The following DLGAP4 variants were observed in gnomAD, a reference collection of about 807,000 sequenced individuals.
DLGAP4 encodes the protein disks large-associated protein 4.
In DLGAP4, 18 loss-of-function variants were observed where a neutral mutation model predicts 86.9. That is an observed-to-expected ratio of 0.21 (90% CI 0.14 to 0.31). The LOEUF is 0.31. DLGAP4 is among the 10% of genes least tolerant of loss of function. The probability of loss-of-function intolerance (pLI) is 1.00; values close to 1 mark genes in which losing one functional copy is unlikely to be tolerated. For synonymous variants in DLGAP4, 548 were observed against 574.3 expected (o/e 0.95, Z 0.65); for missense variants, 1,085 against 1,362.6 (o/e 0.80, Z 3.21).
chr20:36,351,938 G>A (rs1304642441), intron 1 of DLGAP4, among the ~76,000 whole-genome samples: 5 of 152,148 alleles, frequency 3.3e-5, no homozygotes, highest in Non-Finnish European at 7.3e-5. Flanking sequence ...CCGGCCGGGT[G>A]GTGTGAGTGC....
chr20:36,330,299 A>G (rs573410263), intron 1 of DLGAP4, among the ~76,000 whole-genome samples: 7 of 152,078 alleles, frequency 4.6e-5, no homozygotes, highest in Non-Finnish European at 8.8e-5. Context: ...GGCTCCAACT[A>G]TCGTGGTGGG....
At position 36,436,349 on chromosome 20, in the gene DLGAP4, A is replaced by C. The variant is rs369402559; in HGVS notation, c.1240A>C (p.Arg414=). ...GCTGGGAGAGCAGAGCAACCCCCGC[A>C]GGTAGGCGCGCAGCTCCACCCTTAC... ...QSLGEQSNPR[R]SLDRLDSVDM... Residue 414 remains arginine, a splice_region_variant and synonymous_variant, in exon 4 of 13, where the codon AGG becomes CGG. Coordinates refer to ENST00000339266, the MANE Select transcript of DLGAP4 (RefSeq NM_001365621.2). 2 of 1,591,634 alleles carry C rather than the reference A, an allele frequency of 1.3e-6. No individual in the cohort carries two copies. Among genetic ancestry groups the C allele is most frequent in the Non-Finnish European group, 1.7e-6 (2 of 1,172,766 alleles).
intron 11 of DLGAP4, 137 bp from the exon 12 acceptor site, chr20:36,525,713 AT>A: frequency 8.7e-7 from 1 of 1,152,808 alleles, no homozygotes; most frequent in Non-Finnish European, 1.2e-6. Flanking sequence ...ATTCATACAG[AT>A]ACTTACCCAG....
chr20:36,353,590 G>C (rs1057012176), intron 1 of DLGAP4, among the ~76,000 whole-genome samples: 1 of 152,236 alleles, frequency 6.6e-6, no homozygotes, highest in Non-Finnish European at 1.5e-5. Flanking sequence ...GGCCACAGGG[G>C]GCCCAGGAGC....
At chr20:36,520,467 C>T (rs1378569209) in intron 10 of DLGAP4, among the ~76,000 whole-genome samples, 6 of 151,676 alleles carry the variant, frequency 4.0e-5, no homozygotes, top group Non-Finnish European at 5.9e-5. Context: ...TGCCTCAGCA[C>T]CCCCGAGTAG....
chr20:36,395,507 T>C (rs898276824), intron 2 of DLGAP4, among the ~76,000 whole-genome samples: 4 of 151,966 alleles, frequency 2.6e-5, no homozygotes, highest in African/African-American at 4.8e-5. Context: ...TTTTTTTTAT[T>C]ATTATTATTG....
Position 36,499,481 on chromosome 20 carries a change from G to A in DLGAP4, c.2011-107G>A, listed in dbSNP as rs1243403506. The stretch of plus-strand genomic sequence containing the variant: ...ATGCCTCGTGTCTGTCTGTCCACAC[G>A]TCCGTTTGCGTCGTCCCACTAATGT... On this transcript the variant is annotated intron_variant, in intron 8 of 12. Transcript: ENST00000339266. 3.3e-5 allele frequency: 45 copies of A among 1,375,300 alleles called. 1 individual carries two copies. The highest frequency in any genetic ancestry group is 3.1e-4 in the South Asian group (25 of 80,380). The allele number at this position is 1,375,300 out of a possible 1,614,324, so 85.2% of individuals were successfully genotyped here. A position where few individuals can be genotyped will look rare whatever the true frequency, so the allele number is the denominator to read the frequency against.
chr20:36,430,005 G>C (rs995202147), intron 2 of DLGAP4, among the ~76,000 whole-genome samples: 2 of 152,184 alleles, frequency 1.3e-5, no homozygotes, highest in African/African-American at 4.8e-5. Flanking sequence ...CAGCACACCA[G>C]GCTCAGGCCA....
chr20:36,443,777 A>G lies in DLGAP4; in HGVS notation c.1407+1000A>G, dbSNP rs2033516587. ...CCGACAGCTCAAGAGCATCTTAACCAACACTGACAGACTCCACAGTGCTAC... is the reference window on the plus strand; with the variant it reads ...CCGACAGCTCAAGAGCATCTTAACCGACACTGACAGACTCCACAGTGCTAC... On this transcript the variant is annotated intron_variant, in intron 6 of 12. Coordinates refer to ENST00000339266, the MANE Select transcript of DLGAP4 (RefSeq NM_001365621.2). 2.0e-5 allele frequency among the ~76,000 whole-genome samples: 3 copies of G among 152,198 alleles called. No individual in the cohort carries two copies. In the South Asian group the frequency reaches 6.2e-4, roughly 32 times the overall value.
At chr20:36,424,738 GT>G (rs34145008) in intron 2 of DLGAP4, among the ~76,000 whole-genome samples, 36,220 of 139,066 alleles carry the variant, frequency 0.26, 4,081 homozygotes, top group Non-Finnish European at 0.29. Flanking sequence ...TGTTTTGTTT[GT>G]TTTTTTTTTT....
chr20:36,496,638 G>C (rs1389244385), intron 7 of DLGAP4, 67 bp from the exon 8 acceptor site: 8 of 1,531,422 alleles, frequency 5.2e-6, no homozygotes, highest in Non-Finnish European at 7.0e-6. Context: ...TGCATTGGAA[G>C]GGGCTTGAGA....
At chr20:36,405,875 C>T (rs1474819663) in intron 2 of DLGAP4, among the ~76,000 whole-genome samples, 3 of 152,138 alleles carry the variant, frequency 2.0e-5, no homozygotes, top group Non-Finnish European at 4.4e-5. Flanking sequence ...CCAGGCTGGT[C>T]CCCAAGAGCA....
intron 12 of DLGAP4, 102 bp from the exon 13 acceptor site, chr20:36,526,711 C>T: frequency 3.6e-6 from 4 of 1,104,704 alleles, no homozygotes; most frequent in Non-Finnish European, 5.1e-6. Flanking sequence ...TGCGGGGAGG[C>T]TGGGGTGGAG....
chr20:36,355,666 A>G (rs782362991), intron 1 of DLGAP4, among the ~76,000 whole-genome samples: 2 of 152,244 alleles, frequency 1.3e-5, no homozygotes, highest in Non-Finnish European at 2.9e-5. Context: ...AGTGCTGAGT[A>G]ATATTCCATT....
chr20:36,519,375 A>G (rs1218796154), intron 10 of DLGAP4, among the ~76,000 whole-genome samples: 1 of 152,102 alleles, frequency 6.6e-6, no homozygotes, highest in Non-Finnish European at 1.5e-5. Context: ...ATTTTTAGCA[A>G]ATGTTCCATG....
intron 2 of DLGAP4, among the ~76,000 whole-genome samples, chr20:36,392,298 G>T (rs1270384714): frequency 6.6e-6 from 1 of 152,202 alleles, no homozygotes; most frequent in Non-Finnish European, 1.5e-5. Context: ...CAGCAAGCAG[G>T]AGAGACAGCC....
intron 1 of DLGAP4, among the ~76,000 whole-genome samples, chr20:36,349,880 G>C (rs550226561): frequency 6.6e-6 from 1 of 152,286 alleles, no homozygotes; most frequent in African/African-American, 2.4e-5. Context: ...GGTATTTCCG[G>C]GAAAGCAGCA....
intron 1 of DLGAP4, among the ~76,000 whole-genome samples, chr20:36,349,491 T>A (rs1245253674): frequency 6.6e-6 from 1 of 151,140 alleles, no homozygotes; most frequent in East Asian, 1.9e-4. Context: ...GGAGGGGATA[T>A]TTGAGCACAG....
At chr20:36,495,530 C>T (rs2035851274) in intron 7 of DLGAP4, among the ~76,000 whole-genome samples, 1 of 152,230 alleles carries the variant, frequency 6.6e-6, no homozygotes, top group Admixed American at 6.5e-5. Context: ...TCCCAGCAAA[C>T]AGCTACTGTT....
Sources: gnomAD v4.1 joint callset for allele counts (sites outside exome capture counted in the v4.1 genomes callset) on GRCh38, gnomAD v4.1.1 for gene constraint, MANE v1.5 for transcripts, NCBI Gene and HGNC (gene_info 2026-07-23, HGNC 2026-07-21) for gene names.